The following PPAT variants were observed in gnomAD, a reference collection of about 807,000 sequenced individuals.
The protein encoded by PPAT is phosphoribosyl pyrophosphate amidotransferase, also known as amidophosphoribosyltransferase.
In PPAT, 20 loss-of-function variants were observed where a neutral mutation model predicts 60.2. The ratio of observed to expected loss-of-function variants is 0.33; its 90% CI spans 0.23 to 0.48. The LOEUF is 0.48. Among genes scored for constraint, PPAT ranks in the 20% least tolerant of loss-of-function variants. The pLI, the probability that PPAT is intolerant of heterozygous loss-of-function variation, is 0.99. For synonymous variants in PPAT, 194 were observed against 215.1 expected, an observed-to-expected ratio of 0.90 and a Z score of 0.86; for missense variants, 349 against 629.6, an observed-to-expected ratio of 0.55 and a Z score of 4.77.
At chr4:56,406,728 G>A (rs1560639768) in intron 2 of PPAT, 27 bp from the exon 3 acceptor site, 1 of 1,517,302 alleles carries the variant, frequency 6.6e-7, no homozygotes, top group Non-Finnish European at 9.1e-7. Context: ...GTGCAACTTA[G>A]AAAAAAACAG....
chr4:56,407,855 CT>C (rs1233289534), intron 1 of PPAT, 139 bp from the exon 2 acceptor site: 1 of 652,250 alleles, frequency 1.5e-6, no homozygotes, highest in African/African-American at 1.8e-5. Context: ...ACTAGCACTA[CT>C]TCTATTGATG....
chr4:56,416,549 A>AT (rs1324704964), intron 1 of PPAT: 3 of 154,500 alleles, frequency 1.9e-5, no homozygotes, highest in Non-Finnish European at 4.3e-5. Context: ...CTCAGAATTG[A>AT]TTTATGTTTC....
At position 56,435,483 on chromosome 4, in the gene PPAT, C is replaced by T. The variant is rs888895280; in HGVS notation, c.-6G>A. ...CCCAACTCCTCCAGCTCCATGTCGC[C>T]GCCGAAAGCACGTGGAAGGACCTGC... On this transcript the variant is annotated 5_prime_UTR_variant, in exon 1 of 11. Transcript: ENST00000264220. 1.9e-5 allele frequency: 30 copies of T among 1,613,184 alleles called. No individual in the cohort carries two copies. Among genetic ancestry groups the T allele is most frequent in the Non-Finnish European group, 2.5e-5 (30 of 1,179,938 alleles).
At chr4:56,410,215 G>A (rs1234140331) in intron 1 of PPAT, among the ~76,000 whole-genome samples, 2 of 152,052 alleles carry the variant, frequency 1.3e-5, no homozygotes, top group Non-Finnish European at 2.9e-5. Flanking sequence ...ACAATCATTT[G>A]GTAAAACAGT....
chr4:56,404,079 T>C (rs1234130350), intron 3 of PPAT: 2 of 431,604 alleles, frequency 4.6e-6, no homozygotes, highest in Non-Finnish European at 9.4e-6. Context: ...AGTATGTATA[T>C]ACTAATAACG....
At chr4:56,399,448 G>A (rs908592158) in intron 8 of PPAT, 48 bp from the exon 9 acceptor site, 1 of 1,360,062 alleles carries the variant, frequency 7.4e-7, no homozygotes, top group Non-Finnish European at 1.0e-6. Flanking sequence ...ATACAGAATA[G>A]GCAAATATTT....
rs1340002352 is a variant in PPAT at position 56,393,696 on chromosome 4, G to A, written c.*1656C>T. 1.3e-5 allele frequency: 2 copies of A among 152,566 alleles called. No homozygotes were observed. Among genetic ancestry groups the A allele is most frequent in the African/African-American group, 4.8e-5 (2 of 41,424 alleles). 9.5% of individuals were successfully genotyped at this position (152,566 alleles called of 1,614,324 possible). A position where few individuals can be genotyped will look rare whatever the true frequency, so the allele number is the denominator to read the frequency against. The stretch of plus-strand genomic sequence containing the variant: ...AAACAAAAACTACAGAAAACGCAAA[G>A]TAAAATCAGAGATTTTGGTTTAGTA... On this transcript the variant is annotated 3_prime_UTR_variant, in exon 11 of 11. Transcript: ENST00000264220.
intron 2 of PPAT, among the ~76,000 whole-genome samples, chr4:56,407,306 C>T (rs1716265037): frequency 6.6e-6 from 1 of 151,778 alleles, no homozygotes; most frequent in Non-Finnish European, 1.5e-5. Context: ...CTTTGTCATC[C>T]CATTTCTTTT....
In PPAT at chr4:56,435,594, C is replaced by T; in HGVS notation, c.-117G>A. 2 of 1,553,818 alleles carry T rather than the reference C, an allele frequency of 1.3e-6. No individual in the cohort carries two copies. Among genetic ancestry groups the T allele is most frequent in the Middle Eastern group, 2.4e-4 (1 of 4,218 alleles). On this transcript the variant is annotated 5_prime_UTR_variant, in exon 1 of 11. Transcript: ENST00000264220. ...TCGCGCTCGCGACAGGCTCTTCCTT[C>T]CCGAGGGTGGCCCCAGCTACTGCGG... is the stretch of plus-strand genomic sequence containing the variant.
At chr4:56,397,266 TCAC>T (rs1716000625) in intron 9 of PPAT, among the ~76,000 whole-genome samples, 1 of 152,202 alleles carries the variant, frequency 6.6e-6, no homozygotes, top group African/African-American at 2.4e-5. Flanking sequence ...TAAATTATAT[TCAC>T]CAACAGGGAG....
At chr4:56,399,471 G>A (rs1350814059) in intron 8 of PPAT, 71 bp from the exon 9 acceptor site, 2 of 1,139,908 alleles carry the variant, frequency 1.8e-6, no homozygotes, top group South Asian at 1.7e-5. Context: ...TCTAGGTTGT[G>A]TTGCCGCCAC....
chr4:56,395,774 G>A (rs1217666893), intron 10 of PPAT, among the ~76,000 whole-genome samples: 1 of 151,912 alleles, frequency 6.6e-6, no homozygotes, highest in Non-Finnish European at 1.5e-5. Context: ...AAACAGCAGA[G>A]GAGGCTTCAA....
chr4:56,406,993 T>C (rs1280682362), intron 2 of PPAT, among the ~76,000 whole-genome samples: 2 of 152,240 alleles, frequency 1.3e-5, no homozygotes, highest in Non-Finnish European at 2.9e-5. Context: ...GAAGCACTTG[T>C]GTTTCATAAG....
chr4:56,418,177 A>T (rs1716867338), intron 1 of PPAT, among the ~76,000 whole-genome samples: 5 of 152,090 alleles, frequency 3.3e-5, no homozygotes, highest in Admixed American at 1.3e-4. Flanking sequence ...AATGTCATGC[A>T]TGGTAGCGTG....
chr4:56,402,820 C>CAA (rs556899549), intron 5 of PPAT, among the ~76,000 whole-genome samples: 793 of 43,718 alleles, frequency 0.018, 23 homozygotes, highest in Non-Finnish European at 0.023. Flanking sequence ...ACTCGGTCTC[C>CAA]AAAAAAAAAA....
At chr4:56,401,806 T>C (rs571422847) in intron 6 of PPAT, among the ~76,000 whole-genome samples, 1 of 152,282 alleles carries the variant, frequency 6.6e-6, no homozygotes, top group South Asian at 2.1e-4. Flanking sequence ...GAGGAAGTTC[T>C]TCCTTTCTAA....
chr4:56,401,486 G>A lies in PPAT; in HGVS notation c.735-5C>T, dbSNP rs755700165. ...GGCAAGACTTCACGGTAATATCTTG[G>A]GAAACAATGTTAAAGAAAGAAGACT... On this transcript the variant is annotated splice_polypyrimidine_tract_variant and splice_region_variant and intron_variant, in intron 6 of 10. Transcript: ENST00000264220. 2.1e-5 allele frequency: 34 copies of A among 1,582,936 alleles called. No individual in the cohort carries two copies. The Admixed American group carries it at 3.8e-4, about 18-fold the overall frequency.
At position 56,395,562 on chromosome 4, in the gene PPAT, G is replaced by A; in HGVS notation, c.1358-14C>T. ...CACTGTTTGCTCCTAAAGAAAGAGG[G>A]AAAAATAAAAATGTAATAAGAATTC... On this transcript the variant is annotated splice_polypyrimidine_tract_variant and intron_variant, in intron 10 of 10. Transcript: ENST00000264220. 2 of 1,493,622 alleles carry A rather than the reference G, an allele frequency of 1.3e-6. No individual in the cohort carries two copies. The highest frequency in any genetic ancestry group is 2.6e-5 in the East Asian group (1 of 38,726). The allele number at this position is 1,493,622 out of a possible 1,614,324, so 92.5% of individuals were successfully genotyped here.
At chr4:56,408,616 T>TGGTGGCG (rs1215744371) in intron 1 of PPAT, among the ~76,000 whole-genome samples, 2 of 150,830 alleles carry the variant, frequency 1.3e-5, no homozygotes, top group Non-Finnish European at 3.0e-5. Flanking sequence ...GAGCCGGGCG[T>TGGTGGCG]GGTGGCGGGC....
Sources: gnomAD v4.1 joint callset for allele counts (sites outside exome capture counted in the v4.1 genomes callset) on GRCh38, gnomAD v4.1.1 for gene constraint, MANE v1.5 for transcripts, NCBI Gene and HGNC (gene_info 2026-07-23, HGNC 2026-07-21) for gene names.